Variants in MIB1 observed in about 807,000 individuals in gnomAD.
MIB1 encodes the protein E3 ubiquitin-protein ligase MIB1.
MIB1 carries 278 observed loss-of-function variants against 124.5 expected under a neutral mutation model. The observed-to-expected ratio is 2.23, with a 90% CI of 2.02 to 2.47. The LOEUF is 2.47. Ranked by LOEUF, MIB1 falls within the 30% of genes most tolerant of loss-of-function variation. The pLI, the probability that MIB1 is intolerant of heterozygous loss-of-function variation, is 0.00. For missense variants in MIB1, 957 were observed against 1,254.4 expected, an observed-to-expected ratio of 0.76 and a Z score of 3.58; for synonymous variants, 446 against 429.4, an observed-to-expected ratio of 1.04 and a Z score of -0.48.
chr18:21,791,437 G>C lies in MIB1; in HGVS notation c.972G>C (p.Gln324His). The change falls in exon 7 of 21, where the codon CAG becomes CAC. Residue 324 changes from glutamine (Q) to histidine (H), a missense_variant. Transcript: ENST00000261537. ...ANIVRSGDAA[Q>H]GAEGGTSQFQ... ...TTGTCCGAAGTGGAGATGCTGCTCA[G>C]GGTGCAGAAGGAGGCACCTCGCAGT... 6.2e-7 allele frequency: 1 copy of C among 1,613,998 alleles called. No individual in the cohort carries two copies. Among genetic ancestry groups the C allele is most frequent in the Non-Finnish European group, 8.5e-7 (1 of 1,179,936 alleles).
chr18:21,853,109 G>C, intron 17 of MIB1, 31 bp from the exon 18 acceptor site: 1 of 1,416,942 alleles, frequency 7.1e-7, no homozygotes, highest in Non-Finnish European at 1.0e-6. Flanking sequence ...ATCTGTAAAT[G>C]GTCACTGTGC....
At chr18:21,766,832 C>T (rs574597611) in intron 2 of MIB1, among the ~76,000 whole-genome samples, 86 of 151,886 alleles carry the variant, frequency 5.7e-4, no homozygotes, top group Middle Eastern at 6.8e-3. Context: ...TGAGGCCAGG[C>T]GTTCAAGACC....
chr18:21,787,630 G>A (rs955716906), intron 6 of MIB1, among the ~76,000 whole-genome samples: 29 of 152,110 alleles, frequency 1.9e-4, no homozygotes, highest in African/African-American at 7.0e-4. Context: ...GGGGAAGGAT[G>A]TTGCAGATAC....
At chr18:21,800,669 G>T (rs1238109274) in intron 9 of MIB1, among the ~76,000 whole-genome samples, 1 of 152,060 alleles carries the variant, frequency 6.6e-6, no homozygotes, top group Non-Finnish European at 1.5e-5. Context: ...TGTTGTAAGG[G>T]TTTTTGTTGC....
chr18:21,714,404 G>A (rs2040679452), intron 1 of MIB1, among the ~76,000 whole-genome samples: 1 of 151,986 alleles, frequency 6.6e-6, no homozygotes, highest in Non-Finnish European at 1.5e-5. Flanking sequence ...TGAAATAGGT[G>A]GATCCACAGA....
At chr18:21,811,518 A>C (rs1003597315) in intron 10 of MIB1, among the ~76,000 whole-genome samples, 1 of 152,170 alleles carries the variant, frequency 6.6e-6, no homozygotes, top group African/African-American at 2.4e-5. Context: ...TGTGCTTATA[A>C]TGGTAGATCA....
intron 1 of MIB1, among the ~76,000 whole-genome samples, chr18:21,717,858 G>C (rs1046764706): frequency 5.3e-5 from 8 of 152,176 alleles, no homozygotes; most frequent in African/African-American, 1.9e-4. Context: ...AGAACTAAAA[G>C]TAGATCTACC....
intron 13 of MIB1, among the ~76,000 whole-genome samples, chr18:21,841,054 G>C (rs1343756156): frequency 6.6e-6 from 1 of 151,892 alleles, no homozygotes; most frequent in Non-Finnish European, 1.5e-5. Flanking sequence ...CTGGAATCCA[G>C]AACTCTGAAA....
chr18:21,706,368 T>C (rs913785397), intron 1 of MIB1, among the ~76,000 whole-genome samples: 9 of 152,126 alleles, frequency 5.9e-5, no homozygotes, highest in African/African-American at 2.2e-4. Flanking sequence ...CTAGCAGCCC[T>C]CGCTCGCTCT....
intron 1 of MIB1, among the ~76,000 whole-genome samples, chr18:21,764,536 C>G (rs2041133941): frequency 6.6e-6 from 1 of 151,942 alleles, no homozygotes; most frequent in African/African-American, 2.4e-5. Flanking sequence ...TATTACATTC[C>G]CCAAAGGGGA....
intron 1 of MIB1, among the ~76,000 whole-genome samples, chr18:21,746,354 A>G (rs2146380632): frequency 1.3e-5 from 2 of 152,276 alleles, no homozygotes; most frequent in Middle Eastern, 6.8e-3. Context: ...TTCTTTCAGG[A>G]CACACATGAT....
chr18:21,780,019 G>A (rs964053612), intron 6 of MIB1, among the ~76,000 whole-genome samples: 3 of 152,012 alleles, frequency 2.0e-5, no homozygotes, highest in Non-Finnish European at 2.9e-5. Context: ...TTCTGTGTTC[G>A]TATTGGACTA....
intron 10 of MIB1, among the ~76,000 whole-genome samples, chr18:21,808,309 G>A (rs1388730202): frequency 6.6e-6 from 1 of 152,118 alleles, no homozygotes; most frequent in East Asian, 1.9e-4. Context: ...GCCAAATCCA[G>A]CCCTCCATCT....
chr18:21,714,727 C>T (rs2040681054), intron 1 of MIB1, among the ~76,000 whole-genome samples: 1 of 152,184 alleles, frequency 6.6e-6, no homozygotes, highest in African/African-American at 2.4e-5. Context: ...AAACCAACTG[C>T]CATGTAAGAA....
At chr18:21,864,367 A>T (rs2042303417) in intron 20 of MIB1, among the ~76,000 whole-genome samples, 159 bp from the exon 21 acceptor site, 1 of 152,164 alleles carries the variant, frequency 6.6e-6, no homozygotes, top group Non-Finnish European at 1.5e-5. Flanking sequence ...TTTTATAGGG[A>T]TGACATTTTA....
At chr18:21,815,047 ATAT>A (rs1568212965) in intron 10 of MIB1, among the ~76,000 whole-genome samples, 22 of 129,390 alleles carry the variant, frequency 1.7e-4, no homozygotes, top group African/African-American at 6.9e-4. Context: ...ATATATATAT[ATAT>A]ATATATAAAA....
chr18:21,788,196 A>AT (rs2041459035), intron 6 of MIB1, among the ~76,000 whole-genome samples: 1 of 152,204 alleles, frequency 6.6e-6, no homozygotes, highest in Non-Finnish European at 1.5e-5. Context: ...TGTTTATAGT[A>AT]TTTTAAAGAA....
chr18:21,834,623 C>G (rs1441547894), intron 12 of MIB1, among the ~76,000 whole-genome samples: 1 of 152,038 alleles, frequency 6.6e-6, no homozygotes, highest in Non-Finnish European at 1.5e-5. Context: ...TACTAAGAAC[C>G]AATAGCACAG....
intron 1 of MIB1, among the ~76,000 whole-genome samples, chr18:21,735,539 T>C (rs1228185540): frequency 6.6e-6 from 1 of 151,526 alleles, no homozygotes; most frequent in East Asian, 1.9e-4. Context: ...TTCACTCGCC[T>C]GGAAAGGGGG....
Sources: allele counts gnomAD v4.1 joint callset (sites outside exome capture counted in the v4.1 genomes callset), GRCh38; gene constraint gnomAD v4.1.1; transcripts MANE v1.5; gene names NCBI Gene and HGNC (gene_info 2026-07-23, HGNC 2026-07-21).